Variants in NYAP2 observed in about 807,000 individuals in gnomAD.
NYAP2 encodes the protein neuronal tyrosine-phosphorylated phosphoinositide-3-kinase adapter 2.
NYAP2 carries 23 observed loss-of-function variants against 50.4 expected under a neutral mutation model. That is an observed-to-expected ratio of 0.46 (90% CI 0.33 to 0.65). NYAP2 has a LOEUF of 0.65. Ranked by LOEUF, NYAP2 falls within the 30% of genes least tolerant of loss-of-function variation. NYAP2 has a pLI of 0.02. For missense variants in NYAP2, 885 were observed against 861.0 expected, an observed-to-expected ratio of 1.03 and a Z score of -0.35; for synonymous variants, 394 against 365.2, an observed-to-expected ratio of 1.08 and a Z score of -0.90.
chr2:225,443,322 T>C (rs965192731), intron 3 of NYAP2, among the ~76,000 whole-genome samples: 1 of 152,226 alleles, frequency 6.6e-6, no homozygotes, highest in Non-Finnish European at 1.5e-5. Context: ...ATTAATGAGA[T>C]AGCAGAATGA....
chr2:225,568,695 C>T (rs1179246479), intron 4 of NYAP2, among the ~76,000 whole-genome samples: 1 of 152,136 alleles, frequency 6.6e-6, no homozygotes, highest in South Asian at 2.1e-4. Flanking sequence ...AAGGGAAATA[C>T]CTAAACTGGC....
At chr2:225,515,971 T>C (rs1690925097) in intron 4 of NYAP2, among the ~76,000 whole-genome samples, 1 of 152,188 alleles carries the variant, frequency 6.6e-6, no homozygotes, top group Non-Finnish European at 1.5e-5. Context: ...GTGTTATCAA[T>C]GCCTTGTTGG....
intron 3 of NYAP2, among the ~76,000 whole-genome samples, chr2:225,483,678 T>C (rs992394313): frequency 2.6e-5 from 4 of 152,220 alleles, no homozygotes; most frequent in Non-Finnish European, 5.9e-5. Context: ...AAAATATTTG[T>C]TCGTTTTCAG....
At chr2:225,580,396 C>T (rs1037462623) in intron 4 of NYAP2, among the ~76,000 whole-genome samples, 2 of 152,166 alleles carry the variant, frequency 1.3e-5, no homozygotes, top group Non-Finnish European at 2.9e-5. Flanking sequence ...ATAGTTTTCA[C>T]CCCATTTTGT....
At chr2:225,474,489 G>C (rs1319456932) in intron 3 of NYAP2, among the ~76,000 whole-genome samples, 1 of 152,154 alleles carries the variant, frequency 6.6e-6, no homozygotes, top group Non-Finnish European at 1.5e-5. Context: ...ATTTCGTTGA[G>C]CAGTGGTTTG....
chr2:225,692,866 AACATACACAC>A, the NYAP2 span, among the ~76,000 whole-genome samples: 6 of 147,792 alleles, frequency 4.1e-5, no homozygotes, highest in Non-Finnish European at 8.9e-5. Flanking sequence ...CTTATCTTTA[AACATACACAC>A]ACACACACAC....
chr2:225,576,113 A>G (rs1421408431), intron 4 of NYAP2, among the ~76,000 whole-genome samples: 1 of 152,230 alleles, frequency 6.6e-6, no homozygotes, highest in South Asian at 2.1e-4. Context: ...TAATTTTCCA[A>G]TGTTCTGCAT....
At chr2:225,494,558 G>A (rs758398451) in intron 3 of NYAP2, among the ~76,000 whole-genome samples, 11 of 152,148 alleles carry the variant, frequency 7.2e-5, no homozygotes, top group Admixed American at 3.3e-4. Context: ...CAGATATCAA[G>A]ATAAACAATT....
At chr2:225,524,321 A>G (rs950945407) in intron 4 of NYAP2, among the ~76,000 whole-genome samples, 16 of 152,200 alleles carry the variant, frequency 1.1e-4, no homozygotes, top group Admixed American at 8.5e-4. Context: ...CATGGGAGAA[A>G]GATGAAGGTT....
At chr2:225,660,656 C>A in the NYAP2 span, among the ~76,000 whole-genome samples, 1 of 152,076 alleles carries the variant, frequency 6.6e-6, no homozygotes, top group South Asian at 2.1e-4. Flanking sequence ...CACCTAGCGT[C>A]TGTAGCGCAC....
At chr2:225,613,100 G>A (rs1386036077) in intron 5 of NYAP2, among the ~76,000 whole-genome samples, 2 of 152,184 alleles carry the variant, frequency 1.3e-5, no homozygotes, top group Admixed American at 6.5e-5. Flanking sequence ...TCTCACGATA[G>A]GCTGGCTGCA....
At chr2:225,432,144 A>ATTTTTTTTTTTT (rs751205603) in intron 3 of NYAP2, among the ~76,000 whole-genome samples, 7 of 119,518 alleles carry the variant, frequency 5.9e-5, no homozygotes, top group African/African-American at 1.3e-4. Flanking sequence ...CGCCCGCCTA[A>ATTTTTTTTTTTT]TTTTTTTTTT....
At chr2:225,539,861 T>G (rs745884299) in intron 4 of NYAP2, among the ~76,000 whole-genome samples, 2 of 152,206 alleles carry the variant, frequency 1.3e-5, no homozygotes, top group Non-Finnish European at 2.9e-5. Flanking sequence ...CCTTATAAAA[T>G]GGAATGCTTT....
At chr2:225,514,422 T>C (rs1690890463) in intron 4 of NYAP2, among the ~76,000 whole-genome samples, 1 of 152,210 alleles carries the variant, frequency 6.6e-6, no homozygotes, top group Admixed American at 6.5e-5. Context: ...CAAAACACCA[T>C]AGCCTGGGTG....
chr2:225,696,064 G>C, the NYAP2 span, among the ~76,000 whole-genome samples: 2 of 151,824 alleles, frequency 1.3e-5, no homozygotes, highest in Non-Finnish European at 2.9e-5. Context: ...TTTTTGAGTA[G>C]CATCTGGAAA....
At chr2:225,411,898 G>A (rs1257424488) in intron 3 of NYAP2, among the ~76,000 whole-genome samples, 1 of 151,356 alleles carries the variant, frequency 6.6e-6, no homozygotes, top group African/African-American at 2.4e-5. Context: ...GTTCACAACA[G>A]AATGAAAATA....
chr2:225,604,351 C>T (rs1037327953), intron 5 of NYAP2, among the ~76,000 whole-genome samples: 6 of 152,052 alleles, frequency 3.9e-5, no homozygotes, highest in African/African-American at 9.7e-5. Context: ...TTAGTGATTC[C>T]CTATTCTACA....
chr2:225,513,363 T>C lies in NYAP2; in HGVS notation c.222-8T>C, dbSNP rs1349600383. The C allele has an allele frequency of 6.2e-7, 1 of 1,613,810 alleles. No homozygotes were observed. On this transcript the variant is annotated splice_polypyrimidine_tract_variant and splice_region_variant and intron_variant, in intron 3 of 6. Transcript: ENST00000636099. Reference sequence around the variant, plus strand: ...TCTTCATGGTTTTTGGTCTGCTTTCTTTTACAGCATAGGTGGAGAAGTAGG... The same window carrying C: ...TCTTCATGGTTTTTGGTCTGCTTTCCTTTACAGCATAGGTGGAGAAGTAGG...
intron 3 of NYAP2, among the ~76,000 whole-genome samples, chr2:225,462,162 C>A (rs1300338776): frequency 2.0e-5 from 3 of 152,166 alleles, no homozygotes; most frequent in Admixed American, 2.0e-4. Context: ...AATTAATACT[C>A]AAGCTTAGAT....
Sources: allele counts gnomAD v4.1 joint callset (sites outside exome capture counted in the v4.1 genomes callset), GRCh38; gene constraint gnomAD v4.1.1; transcripts MANE v1.5; gene names NCBI Gene and HGNC (gene_info 2026-07-23, HGNC 2026-07-21).